UNC5C: variants seen among roughly 807,000 people sequenced by gnomAD.
The protein encoded by UNC5C is unc-5 netrin receptor C.
In UNC5C, 47 loss-of-function variants were observed where a neutral mutation model predicts 99.8. That is an observed-to-expected ratio of 0.47 (90% confidence interval 0.37 to 0.60). The LOEUF is 0.60. UNC5C is among the 20% of genes least tolerant of loss of function. The pLI is 0.00. For synonymous variants in UNC5C, 487 were observed against 452.2 expected (o/e 1.08, Z -0.98); for missense variants, 1,062 against 1,165.9 (o/e 0.91, Z 1.30).
intron 1 of UNC5C, among the ~76,000 whole-genome samples, chr4:95,490,368 C>T (rs1166210051): frequency 6.6e-6 from 1 of 151,708 alleles, no homozygotes; most frequent in Non-Finnish European, 1.5e-5. Flanking sequence ...AGCATTCAGT[C>T]ACATTTTATT....
chr4:95,305,159 A>T (rs541375074), intron 2 of UNC5C, among the ~76,000 whole-genome samples: 2 of 152,364 alleles, frequency 1.3e-5, no homozygotes, highest in Admixed American at 6.5e-5. Flanking sequence ...GTCCTATTAC[A>T]TAGCCCAAAG....
intron 1 of UNC5C, among the ~76,000 whole-genome samples, chr4:95,385,966 C>A (rs1189202219): frequency 1.3e-5 from 2 of 152,028 alleles, no homozygotes; most frequent in Non-Finnish European, 2.9e-5. Flanking sequence ...CACCAAAAAG[C>A]CTCAGTCCTC....
chr4:95,228,256 A>G (rs1738768588), intron 7 of UNC5C, among the ~76,000 whole-genome samples: 1 of 152,214 alleles, frequency 6.6e-6, no homozygotes, highest in African/African-American at 2.4e-5. Flanking sequence ...AGCCTTTTCA[A>G]ATTTTTTCTT....
rs1352058002 is a variant in UNC5C, at chr4:95,174,052, C to A, written c.2452-3720G>T. Reference sequence around the variant, plus strand: ...ATAGAGGTGTTTGTAGTATTCTCTGCTGGTAGTTTGTATTTCTGTGGGATC... The same window carrying A: ...ATAGAGGTGTTTGTAGTATTCTCTGATGGTAGTTTGTATTTCTGTGGGATC... On this transcript the variant is annotated intron_variant, in intron 14 of 15. Coordinates refer to ENST00000453304, the MANE Select transcript of UNC5C (RefSeq NM_003728.4). Among the ~76,000 whole-genome samples the A allele has an allele frequency of 1.6e-4, 25 of 152,086 alleles. No individual in the cohort carries two copies. The East Asian group carries it at 3.5e-3, about 21-fold the overall frequency.
chr4:95,270,001 C>G (rs1740598304), intron 4 of UNC5C, among the ~76,000 whole-genome samples: 1 of 151,980 alleles, frequency 6.6e-6, no homozygotes, highest in Admixed American at 6.5e-5. Flanking sequence ...AGGTGTGAGC[C>G]CCCGTACCTG....
chr4:95,462,058 T>A (rs1282618826), intron 1 of UNC5C, among the ~76,000 whole-genome samples: 2 of 152,058 alleles, frequency 1.3e-5, no homozygotes, highest in African/African-American at 4.8e-5. Context: ...TTTAGGTGAG[T>A]GAATAGAGAA....
Position 95,220,089 on chromosome 4 carries a change from A to G in UNC5C, c.1196T>C (p.Leu399Ser), listed in dbSNP as rs773913128. Reference protein sequence around the residue: ...VCLAISVVVALFVYRKNHRDF... With the variant: ...VCLAISVVVASFVYRKNHRDF... ...ACGATGATTCTTCCGATACACAAAC[A>G]AGGCCACAACTACAGAGATCGCCAG... Residue 399 changes from leucine to serine, a missense_variant, in exon 8 of 16, where the codon TTG (leucine) becomes TCG (serine). Around this residue, in one of 3 missense-constraint regions of UNC5C, gnomAD observed 810 missense variants for 854.5 expected, o/e 0.95. Transcript: ENST00000453304. 6 of 1,614,168 alleles carry G rather than the reference A, an allele frequency of 3.7e-6. No homozygotes were observed. In the South Asian group the frequency reaches 6.6e-5, roughly 18 times the overall value.
At chr4:95,459,379 G>A (rs1431766133) in intron 1 of UNC5C, among the ~76,000 whole-genome samples, 2 of 151,114 alleles carry the variant, frequency 1.3e-5, no homozygotes, top group African/African-American at 2.5e-5. Context: ...TCAGTAGACT[G>A]ACTATTATTC....
At chr4:95,526,749 T>C (rs1254926158) in intron 1 of UNC5C, among the ~76,000 whole-genome samples, 1 of 152,074 alleles carries the variant, frequency 6.6e-6, no homozygotes, top group African/African-American at 2.4e-5. Context: ...TTTCCCAAAT[T>C]TAAAATATGT....
chr4:95,353,863 A>T (rs1012183571), intron 1 of UNC5C, among the ~76,000 whole-genome samples: 45 of 152,262 alleles, frequency 3.0e-4, no homozygotes, highest in African/African-American at 1.1e-3. Flanking sequence ...TTTAAAAATT[A>T]AAAAACTATT....
intron 14 of UNC5C, among the ~76,000 whole-genome samples, chr4:95,175,647 C>T (rs1228810475): frequency 6.6e-6 from 1 of 152,080 alleles, no homozygotes; most frequent in Non-Finnish European, 1.5e-5. Context: ...TTGTGGGTAA[C>T]CCGACCTTTC....
At chr4:95,212,297 C>T (rs533609257) in intron 10 of UNC5C, among the ~76,000 whole-genome samples, 2 of 151,380 alleles carry the variant, frequency 1.3e-5, no homozygotes, top group South Asian at 4.2e-4. Context: ...TTTTGTTGTT[C>T]TTCCTCTTTC....
chr4:95,351,702 T>G (rs1451454833), intron 1 of UNC5C, among the ~76,000 whole-genome samples: 1 of 151,580 alleles, frequency 6.6e-6, no homozygotes, highest in Non-Finnish European at 1.5e-5. Flanking sequence ...AATTAAAAAT[T>G]AAAAAAAATA....
chr4:95,370,664 G>T (rs1219033761), intron 1 of UNC5C, among the ~76,000 whole-genome samples: 1 of 152,170 alleles, frequency 6.6e-6, no homozygotes, highest in Non-Finnish European at 1.5e-5. Flanking sequence ...TTGGCAGCTT[G>T]ATTTGTGTTT....
intron 1 of UNC5C, among the ~76,000 whole-genome samples, chr4:95,406,989 C>T (rs1292872756): frequency 2.0e-5 from 3 of 151,922 alleles, no homozygotes; most frequent in Non-Finnish European, 2.9e-5. Context: ...TTAGGGGCTT[C>T]AAGAAGGAGG....
intron 1 of UNC5C, among the ~76,000 whole-genome samples, chr4:95,350,433 G>T (rs1454164109): frequency 2.0e-5 from 3 of 151,780 alleles, no homozygotes. Flanking sequence ...GTTGTAGTGA[G>T]CTGAGATCGT....
chr4:95,445,899 A>G (rs1747087174), intron 1 of UNC5C, among the ~76,000 whole-genome samples: 1 of 152,020 alleles, frequency 6.6e-6, no homozygotes, highest in South Asian at 2.1e-4. Context: ...GTTATTATTA[A>G]GATAGCACCA....
chr4:95,174,309 T>C (rs928122170), intron 14 of UNC5C, among the ~76,000 whole-genome samples: 1 of 152,008 alleles, frequency 6.6e-6, no homozygotes, highest in Non-Finnish European at 1.5e-5. Flanking sequence ...GCTCTTGCTT[T>C]TCTAGTTCTT....
At chr4:95,445,971 AC>A (rs1004306350) in intron 1 of UNC5C, among the ~76,000 whole-genome samples, 4 of 84,448 alleles carry the variant, frequency 4.7e-5, no homozygotes, top group Admixed American at 1.1e-4. Context: ...TGCAAAAAAA[AC>A]AAAACAAAAC....
Sources: allele counts gnomAD v4.1 joint callset (sites outside exome capture counted in the v4.1 genomes callset), GRCh38; gene constraint gnomAD v4.1.1; regional missense constraint gnomAD v4.1.1; transcripts MANE v1.5; gene names NCBI Gene and HGNC (gene_info 2026-07-23, HGNC 2026-07-21).